The following DGKB variants were observed in gnomAD, a reference collection of about 807,000 sequenced individuals.
DGKB encodes diacylglycerol kinase beta, also known as 90 kDa diacylglycerol kinase.
DGKB carries 67 observed loss-of-function variants against 114.3 expected under a neutral mutation model. The observed-to-expected ratio is 0.59, with a 90% CI of 0.48 to 0.72. The LOEUF (loss-of-function observed/expected upper bound fraction) is 0.72. Ranked by LOEUF, DGKB falls within the 30% of genes least tolerant of loss-of-function variation. The probability of loss-of-function intolerance (pLI) is 0.00; values close to 1 mark genes in which losing one functional copy is unlikely to be tolerated. For synonymous variants in DGKB, 398 were observed against 323.1 expected (o/e 1.23, Z -2.49); for missense variants, 907 against 975.2 (o/e 0.93, Z 0.93).
At chr7:14,791,555 T>C (rs1015615642) in intron 2 of DGKB, among the ~76,000 whole-genome samples, 3 of 152,164 alleles carry the variant, frequency 2.0e-5, no homozygotes, top group African/African-American at 7.2e-5. Context: ...GGGTATTGTA[T>C]AGATGCTCTT....
chr7:14,799,030 A>G (rs1841791295), intron 2 of DGKB, among the ~76,000 whole-genome samples: 2 of 152,242 alleles, frequency 1.3e-5, no homozygotes, highest in Admixed American at 1.3e-4. Context: ...CCATATCCTC[A>G]TTCAATTTGT....
intron 21 of DGKB, among the ~76,000 whole-genome samples, chr7:14,421,628 A>C (rs1422898212): frequency 6.6e-6 from 1 of 152,074 alleles, no homozygotes; most frequent in Admixed American, 6.6e-5. Flanking sequence ...AATCTTTATC[A>C]ATGGAAAACA....
chr7:14,857,470 T>C (rs577426656), intron 1 of DGKB, among the ~76,000 whole-genome samples: 9 of 152,156 alleles, frequency 5.9e-5, no homozygotes, highest in Non-Finnish European at 1.0e-4. Context: ...CAGGCTCAGA[T>C]TCCTGATCTA....
chr7:14,966,443 T>C (rs1011684224), intron 1 of DGKB, among the ~76,000 whole-genome samples: 1 of 144,786 alleles, frequency 6.9e-6, no homozygotes, highest in Non-Finnish European at 1.5e-5. Context: ...CACATATTTG[T>C]GTGTATATAT....
At chr7:14,191,068 A>G (rs1304190668) in intron 23 of DGKB, 1 of 156,010 alleles carries the variant, frequency 6.4e-6, no homozygotes, top group African/African-American at 2.4e-5. Flanking sequence ...ATTATTATTG[A>G]TAGTCTGGGA....
At chr7:14,437,995 T>C (rs2128805935) in intron 21 of DGKB, among the ~76,000 whole-genome samples, 1 of 152,058 alleles carries the variant, frequency 6.6e-6, no homozygotes, top group Non-Finnish European at 1.5e-5. Context: ...ATGACAAGAA[T>C]AATGTTATAG....
chr7:14,205,674 C>T (rs1786673208), intron 23 of DGKB, among the ~76,000 whole-genome samples: 2 of 151,966 alleles, frequency 1.3e-5, no homozygotes, highest in Non-Finnish European at 2.9e-5. Context: ...AGGACATGCT[C>T]TTTCCAATCA....
intron 21 of DGKB, among the ~76,000 whole-genome samples, chr7:14,472,760 G>GAGGA (rs1362734544): frequency 6.6e-6 from 1 of 152,150 alleles, no homozygotes; most frequent in Non-Finnish European, 1.5e-5. Flanking sequence ...AGGTGGAGAT[G>GAGGA]AGGAACTGGT....
At chr7:14,934,613 T>C (rs1227755099) in intron 1 of DGKB, among the ~76,000 whole-genome samples, 1 of 152,212 alleles carries the variant, frequency 6.6e-6, no homozygotes, top group African/African-American at 2.4e-5. Flanking sequence ...GTGATCTTTA[T>C]ACATACATTC....
intron 20 of DGKB, among the ~76,000 whole-genome samples, chr7:14,535,737 G>A (rs1002385250): frequency 4.6e-5 from 7 of 151,922 alleles, no homozygotes; most frequent in East Asian, 1.9e-4. Flanking sequence ...ACAGGCACCC[G>A]CCACCACGCC....
At chr7:14,203,566 C>T (rs1027823742) in intron 23 of DGKB, among the ~76,000 whole-genome samples, 1 of 151,906 alleles carries the variant, frequency 6.6e-6, no homozygotes, top group Non-Finnish European at 1.5e-5. Context: ...AATAAATCTG[C>T]AAGCCAGTGC....
chr7:14,543,444 C>A (rs1031554908), intron 20 of DGKB, among the ~76,000 whole-genome samples: 96 of 149,046 alleles, frequency 6.4e-4, no homozygotes, highest in Non-Finnish European at 1.1e-3. Context: ...CACCCCATCT[C>A]AAAAAAAACA....
chr7:14,925,496 T>C (rs1373628798), intron 1 of DGKB, among the ~76,000 whole-genome samples: 1 of 152,190 alleles, frequency 6.6e-6, no homozygotes, highest in Non-Finnish European at 1.5e-5. Context: ...TTATGGAGTA[T>C]TGATAGATTT....
Position 14,261,934 on chromosome 7 carries a change from T to C in DGKB, c.2122+76581A>G, listed in dbSNP as rs200414167. Among the ~76,000 whole-genome samples the C allele has an allele frequency of 1.1e-4, 16 of 152,274 alleles. No individual in the cohort carries two copies. The East Asian group carries it at 2.3e-3, about 22-fold the overall frequency. On this transcript the variant is annotated intron_variant, in intron 23 of 25. Transcript: ENST00000402815. ...ATTCTTCCATGTACAACTCCTCAAT[T>C]AAATACCTTAACAGCAAGTCATGAT...
chr7:14,843,078 TCTGTGGTCTCAG>T (rs894343748), intron 1 of DGKB, among the ~76,000 whole-genome samples: 3 of 151,806 alleles, frequency 2.0e-5, no homozygotes, highest in Non-Finnish European at 2.9e-5. Context: ...GTGGTGCACA[TCTGTGGTCTCAG>T]CTACTCAGGG....
intron 20 of DGKB, among the ~76,000 whole-genome samples, chr7:14,545,772 G>A (rs1482958440): frequency 6.6e-6 from 1 of 152,194 alleles, no homozygotes; most frequent in East Asian, 1.9e-4. Flanking sequence ...CGTATACTGG[G>A]TGAGAAAGAG....
intron 4 of DGKB, among the ~76,000 whole-genome samples, chr7:14,750,790 T>TCTC (rs1833989196): frequency 7.3e-6 from 1 of 136,558 alleles, no homozygotes; most frequent in African/African-American, 3.1e-5. Context: ...GCTATTTCTA[T>TCTC]TTCTTTTTTT....
chr7:14,639,728 C>G (rs1405928320), intron 13 of DGKB, among the ~76,000 whole-genome samples: 1 of 152,138 alleles, frequency 6.6e-6, no homozygotes, highest in Non-Finnish European at 1.5e-5. Context: ...CTTTTTCTGC[C>G]TCCCTCCCTT....
At chr7:14,383,024 T>A (rs924786228) in intron 21 of DGKB, among the ~76,000 whole-genome samples, 6 of 152,206 alleles carry the variant, frequency 3.9e-5, no homozygotes, top group African/African-American at 1.4e-4. Context: ...TTTGGTAATA[T>A]TTTGACAGTT....
Sources: gnomAD v4.1 joint callset for allele counts (sites outside exome capture counted in the v4.1 genomes callset) on GRCh38, gnomAD v4.1.1 for gene constraint, MANE v1.5 for transcripts, NCBI Gene and HGNC (gene_info 2026-07-23, HGNC 2026-07-21) for gene names.